PRIM1: variants seen among roughly 807,000 people sequenced by gnomAD.
PRIM1 encodes the protein DNA primase subunit 1.
In PRIM1, 38 loss-of-function variants were observed where a neutral mutation model predicts 60.2. That is an observed-to-expected ratio of 0.63 (90% CI 0.49 to 0.83). The LOEUF (loss-of-function observed/expected upper bound fraction) is 0.83, where lower values mean the gene tolerates loss of function less well. Among genes scored for constraint, PRIM1 ranks in the 40% least tolerant of loss-of-function variants. PRIM1 has a pLI of 0.00. For synonymous variants in PRIM1, 158 were observed against 160.2 expected (o/e 0.99, Z 0.10); for missense variants, 388 against 506.2 (o/e 0.77, Z 2.24).
In PRIM1 at chr12:56,752,190, C is replaced by T; in HGVS notation, c.103+6G>A. 6.3e-7 allele frequency: 1 copy of T among 1,580,642 alleles called. No homozygotes were observed. The highest frequency in any genetic ancestry group is 8.6e-7 in the Non-Finnish European group (1 of 1,159,368). On this transcript the variant is annotated splice_donor_region_variant and intron_variant, in intron 1 of 12. Coordinates refer to ENST00000338193, the MANE Select transcript of PRIM1 (RefSeq NM_000946.3). The stretch of plus-strand genomic sequence containing the variant: ...CGCTCCCGAACCCATTCCTCGCCTC[C>T]ATCACCTCCACCGTAGTTGAGCCAG...
rs34889392 is a variant in PRIM1, at chr12:56,734,778, T to TTATA, written c.1145-537_1145-534dup. 4.8e-3 allele frequency among the ~76,000 whole-genome samples: 667 copies of TTATA among 140,276 alleles called. 4 individuals are homozygous for TTATA. Among genetic ancestry groups the TTATA allele is most frequent in the South Asian group, 0.013 (61 of 4,602 alleles). 92.0% of individuals were successfully genotyped at this position (140,276 alleles called of 152,430 possible). On this transcript the variant is annotated intron_variant, in intron 11 of 12. Coordinates refer to ENST00000338193, the MANE Select transcript of PRIM1 (RefSeq NM_000946.3). ...TCTCTTTCATACAAGTCTTTTATAT[T>TTATA]TATATATATATATATAATATATATA...
chr12:56,735,758 C>T (rs1342866514), intron 11 of PRIM1, among the ~76,000 whole-genome samples: 2 of 151,078 alleles, frequency 1.3e-5, no homozygotes, highest in Non-Finnish European at 2.9e-5. Context: ...TCAAGCGATT[C>T]TTCTGCCTCA....
rs1592338276 is a variant in PRIM1 at position 56,752,201 on chromosome 12, C to T, written c.98G>A (p.Gly33Asp). 4 of 1,594,026 alleles carry T rather than the reference C, an allele frequency of 2.5e-6. No individual in the cohort carries two copies. The East Asian group carries it at 9.1e-5, about 36-fold the overall frequency. Residue 33 changes from glycine (G) to aspartate (D), a missense_variant, in exon 1 of 13, where the codon GGT becomes GAT. Physicochemically the swap from Gly to Asp is moderately conservative, Grantham distance 94. Around this residue, in one of 3 missense-constraint regions of PRIM1, gnomAD observed 156 missense variants for 175.8 expected, o/e 0.89. Transcript: ENST00000338193. ...YSQYYRWLNY[G>D]GVIKNYFQHR... ...CCATTCCTCGCCTCCATCACCTCCA[C>T]CGTAGTTGAGCCAGCGATAGTACTG... is the stretch of plus-strand genomic sequence containing the variant.
At chr12:56,733,403 C>T (rs1385858040) in intron 12 of PRIM1, among the ~76,000 whole-genome samples, 1 of 151,842 alleles carries the variant, frequency 6.6e-6, no homozygotes, top group Non-Finnish European at 1.5e-5. Flanking sequence ...AGGCGATCCA[C>T]CTGCCTCAGC....
At chr12:56,750,592 C>CTTT (rs758888858) in intron 2 of PRIM1, among the ~76,000 whole-genome samples, 2 of 143,300 alleles carry the variant, frequency 1.4e-5, no homozygotes, top group Non-Finnish European at 3.1e-5. Flanking sequence ...TTATTTCCCT[C>CTTT]TTTTTTTTTT....
Position 56,752,220 on chromosome 12 carries a change from A to G in PRIM1, c.79T>C (p.Tyr27His). Residue 27 changes from tyrosine (Y) to histidine (H), a missense_variant, in exon 1 of 13, where the codon TAT becomes CAT. Physicochemically the swap from Tyr to His is moderately conservative, Grantham distance 83. Transcript: ENST00000338193. ...YRRLFPYSQYYRWLNYGGVIK... is the reference protein window; with the variant it reads ...YRRLFPYSQYHRWLNYGGVIK... ...CCTCCACCGTAGTTGAGCCAGCGAT[A>G]GTACTGAGAGTAGGGAAAGAGCCTC... 6.2e-7 allele frequency: 1 copy of G among 1,601,854 alleles called. No individual in the cohort carries two copies.
At chr12:56,748,721 C>A (rs1158125456) in intron 2 of PRIM1, among the ~76,000 whole-genome samples, 1 of 151,296 alleles carries the variant, frequency 6.6e-6, no homozygotes, top group African/African-American at 2.4e-5. Flanking sequence ...TTTGGGAGGC[C>A]AAGGCGGGTG....
chr12:56,744,066 T>A lies in PRIM1; in HGVS notation c.637A>T (p.Arg213Ter). Residue 213 changes from arginine (R) to a stop codon, truncating the protein, a stop_gained and splice_region_variant, in exon 6 of 13, where the codon AGA becomes TGA. Coordinates refer to ENST00000338193, the MANE Select transcript of PRIM1 (RefSeq NM_000946.3). LOFTEE classifies it high-confidence loss of function. ...HLSEKIHPFIRKSINIIKKYF... is the reference protein window; with the variant it reads ...HLSEKIHPFI ...TGCTTGGAGACTTTTCCAACAGACC[T>A]GATAAAAGGGTGAATTTTTTCACTT... 1 of 1,568,846 alleles carries A rather than the reference T, an allele frequency of 6.4e-7. No individual in the cohort carries two copies. The highest frequency in any genetic ancestry group is 8.7e-7 in the Non-Finnish European group (1 of 1,153,788).
In PRIM1 at chr12:56,741,844, G is replaced by T. The variant is rs1054410769; in HGVS notation, c.749-7C>A. ...TGAAGTTCATCATGAATTGGTGATG[G>T]GTCATTAAGGAACAGACTCATTTAG... is the stretch of plus-strand genomic sequence containing the variant. On this transcript the variant is annotated splice_region_variant and splice_polypyrimidine_tract_variant and intron_variant, in intron 7 of 12. Transcript: ENST00000338193. The T allele has an allele frequency of 1.4e-5, 22 of 1,612,158 alleles. No individual in the cohort carries two copies. The highest frequency in any genetic ancestry group is 1.9e-5 in the Non-Finnish European group (22 of 1,178,342).
At chr12:56,737,304 T>C (rs956798729) in intron 11 of PRIM1, among the ~76,000 whole-genome samples, 6 of 151,576 alleles carry the variant, frequency 4.0e-5, no homozygotes, top group African/African-American at 1.5e-4. Flanking sequence ...ACAAAACTGG[T>C]ACCTGATGCC....
intron 6 of PRIM1, chr12:56,743,518 C>G (rs536553784): frequency 2.5e-5 from 4 of 156,938 alleles, no homozygotes; most frequent in African/African-American, 9.6e-5. Flanking sequence ...ATCACATTTA[C>G]TCTTTCACTT....
At chr12:56,739,180 C>A in intron 10 of PRIM1, 114 bp downstream of exon 10, 1 of 758,506 alleles carries the variant, frequency 1.3e-6, no homozygotes, top group South Asian at 3.8e-5. Flanking sequence ...ATTTGGTTTC[C>A]ATAACCAAAT....
At chr12:56,734,110 A>T in intron 12 of PRIM1, 37 bp downstream of exon 12, 2 of 1,421,578 alleles carry the variant, frequency 1.4e-6, no homozygotes, top group Non-Finnish European at 2.0e-6. Context: ...TAATAATAAG[A>T]TCTAACTAGA....
At chr12:56,746,625 G>A (rs1329588610) in intron 4 of PRIM1, among the ~76,000 whole-genome samples, 156 bp downstream of exon 4, 2 of 105,870 alleles carry the variant, frequency 1.9e-5, no homozygotes, top group African/African-American at 3.9e-5. Context: ...AGTGAGACTC[G>A]TCACACACAC....
At chr12:56,733,684 G>C (rs1176207305) in intron 12 of PRIM1, among the ~76,000 whole-genome samples, 1 of 151,102 alleles carries the variant, frequency 6.6e-6, no homozygotes, top group Non-Finnish European at 1.5e-5. Flanking sequence ...CTGCCTCCCC[G>C]GTTCAAGCGA....
At chr12:56,747,517 G>C (rs552340921) in intron 2 of PRIM1, among the ~76,000 whole-genome samples, 1 of 152,148 alleles carries the variant, frequency 6.6e-6, no homozygotes, top group Non-Finnish European at 1.5e-5. Flanking sequence ...AGGCTGAGGC[G>C]GGCAGATCAC....
At chr12:56,744,454 T>C (rs1265710019) in intron 5 of PRIM1, among the ~76,000 whole-genome samples, 17 of 151,688 alleles carry the variant, frequency 1.1e-4, no homozygotes, top group Non-Finnish European at 2.2e-4. Flanking sequence ...GATCGCATCA[T>C]TGCACTCTAG....
At chr12:56,744,541 A>G (rs1953893822) in intron 5 of PRIM1, among the ~76,000 whole-genome samples, 1 of 151,854 alleles carries the variant, frequency 6.6e-6, no homozygotes, top group Non-Finnish European at 1.5e-5. Flanking sequence ...GCAATACTGT[A>G]TTTTTACTGT....
intron 11 of PRIM1, among the ~76,000 whole-genome samples, chr12:56,735,906 C>T (rs1350015443): frequency 6.6e-6 from 1 of 151,960 alleles, no homozygotes; most frequent in African/African-American, 2.4e-5. Context: ...CCGCCTCAGG[C>T]TCCCAAAGTG....
Sources: allele counts gnomAD v4.1 joint callset (sites outside exome capture counted in the v4.1 genomes callset), GRCh38; gene constraint gnomAD v4.1.1; regional missense constraint gnomAD v4.1.1; transcripts MANE v1.5; gene names NCBI Gene and HGNC (gene_info 2026-07-23, HGNC 2026-07-21).